GRM8: variants seen among roughly 807,000 people sequenced by gnomAD.
GRM8 encodes the protein metabotropic glutamate receptor 8.
Under a neutral mutation model 87.2 loss-of-function variants are expected in GRM8, and 47 were observed. The ratio of observed to expected loss-of-function variants is 0.54; its 90% CI spans 0.43 to 0.69. GRM8 has a LOEUF of 0.69. Among genes scored for constraint, GRM8 ranks in the 30% least tolerant of loss-of-function variants. GRM8 has a pLI of 0.00. For missense variants in GRM8, 1,019 were observed against 1,139.2 expected, an observed-to-expected ratio of 0.89 and a Z score of 1.52; for synonymous variants, 396 against 404.5, an observed-to-expected ratio of 0.98 and a Z score of 0.25.
intron 7 of GRM8, among the ~76,000 whole-genome samples, chr7:126,716,992 T>C (rs924031816): frequency 6.6e-6 from 1 of 152,090 alleles, no homozygotes; most frequent in African/African-American, 2.4e-5. Context: ...AGGAACTACA[T>C]GAAAGATGAT....
intron 8 of GRM8, among the ~76,000 whole-genome samples, chr7:126,568,631 A>G (rs1263798369): frequency 6.6e-6 from 1 of 152,180 alleles, no homozygotes; most frequent in African/African-American, 2.4e-5. Context: ...GCAGATCATT[A>G]AACTGATAAA....
intron 3 of GRM8, among the ~76,000 whole-genome samples, chr7:127,027,780 G>C (rs1043909698): frequency 9.2e-5 from 14 of 152,182 alleles, no homozygotes; most frequent in Non-Finnish European, 1.8e-4. Context: ...TCTGCAAACA[G>C]AGACAAATTG....
chr7:126,462,165 T>C (rs1237062894), intron 9 of GRM8, among the ~76,000 whole-genome samples: 1 of 151,614 alleles, frequency 6.6e-6, no homozygotes, highest in Non-Finnish European at 1.5e-5. Flanking sequence ...TTTACCACAC[T>C]TTACTGTGAC....
At chr7:126,734,628 C>T (rs573798935) in intron 7 of GRM8, among the ~76,000 whole-genome samples, 3 of 151,926 alleles carry the variant, frequency 2.0e-5, no homozygotes, top group East Asian at 3.9e-4. Flanking sequence ...TATTTCATAA[C>T]TTACAACACA....
chr7:126,600,612 A>G (rs1797646986), intron 8 of GRM8, among the ~76,000 whole-genome samples: 1 of 152,182 alleles, frequency 6.6e-6, no homozygotes. Flanking sequence ...TATGTAGAAA[A>G]GATCAGCATA....
At chr7:126,589,510 G>A (rs1796476614) in intron 8 of GRM8, among the ~76,000 whole-genome samples, 1 of 152,082 alleles carries the variant, frequency 6.6e-6, no homozygotes, top group Non-Finnish European at 1.5e-5. Flanking sequence ...GTCTAACCCT[G>A]CCCCAACTTG....
At chr7:127,191,695 C>T (rs560891108) in intron 2 of GRM8, among the ~76,000 whole-genome samples, 1 of 152,254 alleles carries the variant, frequency 6.6e-6, no homozygotes, top group Non-Finnish European at 1.5e-5. Context: ...GTACTACCAG[C>T]CTATTTTGCC....
At chr7:126,891,522 CTATCCT>C (rs1213398562) in intron 6 of GRM8, among the ~76,000 whole-genome samples, 1 of 152,042 alleles carries the variant, frequency 6.6e-6, no homozygotes, top group African/African-American at 2.4e-5. Context: ...GCCTAGGTCT[CTATCCT>C]TACTCTCTTC....
chr7:127,190,543 TAAA>T (rs35809104), intron 2 of GRM8, among the ~76,000 whole-genome samples: 1 of 138,694 alleles, frequency 7.2e-6, no homozygotes, highest in Non-Finnish European at 1.6e-5. Flanking sequence ...GACTCGGTCT[TAAA>T]AAAAAAAAAA....
intron 7 of GRM8, among the ~76,000 whole-genome samples, chr7:126,669,792 G>C (rs889972941): frequency 2.6e-5 from 4 of 152,204 alleles, no homozygotes; most frequent in African/African-American, 9.6e-5. Context: ...TATAAGAACA[G>C]TAAAATGTGC....
intron 9 of GRM8, among the ~76,000 whole-genome samples, chr7:126,450,449 G>T (rs1380255717): frequency 1.3e-5 from 2 of 151,754 alleles, no homozygotes; most frequent in Non-Finnish European, 2.9e-5. Flanking sequence ...TGGCTGCTTT[G>T]CATACCGTTT....
chr7:126,513,093 A>G (rs1811642289), intron 9 of GRM8, among the ~76,000 whole-genome samples: 2 of 152,142 alleles, frequency 1.3e-5, no homozygotes, highest in African/African-American at 2.4e-5. Context: ...GTTTCAGACA[A>G]TGGAATTATT....
Position 126,609,446 on chromosome 7 carries a change from A to G in GRM8, c.1410T>C (p.Arg470=). The G allele has an allele frequency of 6.2e-7, 1 of 1,610,706 alleles. No individual in the cohort carries two copies. The highest frequency in any genetic ancestry group is 1.1e-5 in the South Asian group (1 of 91,030). The change falls in exon 8 of 11, where the codon CGT becomes CGC. Residue 470 remains arginine, a synonymous_variant. Transcript: ENST00000339582. ...TFNENGDAPG[R]YDIFQYQITN... is the part of the protein sequence containing the mutation. ...TTATTTGATACTGGAAGATATCATA[A>G]CGTCCAGGAGCATCTCCGTTTTCAT...
At chr7:126,673,103 G>T (rs1806562493) in intron 7 of GRM8, among the ~76,000 whole-genome samples, 1 of 152,142 alleles carries the variant, frequency 6.6e-6, no homozygotes, top group African/African-American at 2.4e-5. Flanking sequence ...TGCAAGCAGG[G>T]AGGAGCTGCG....
At chr7:126,664,410 A>G (rs892875658) in intron 7 of GRM8, among the ~76,000 whole-genome samples, 9 of 152,232 alleles carry the variant, frequency 5.9e-5, no homozygotes, top group Non-Finnish European at 4.4e-5. Context: ...AAGAAACAAA[A>G]ACAACATGGT....
intron 3 of GRM8, among the ~76,000 whole-genome samples, chr7:127,020,978 T>C (rs1816206988): frequency 6.6e-6 from 1 of 152,112 alleles, no homozygotes; most frequent in East Asian, 1.9e-4. Context: ...AGTACATTAT[T>C]GAAGAAGAGA....
At chr7:126,537,733 C>T (rs892869711) in intron 8 of GRM8, among the ~76,000 whole-genome samples, 9 of 151,884 alleles carry the variant, frequency 5.9e-5, no homozygotes, top group South Asian at 2.1e-4. Context: ...GCCGAGATCA[C>T]GCCACCGCAC....
chr7:126,860,008 T>G (rs977669214), intron 6 of GRM8, among the ~76,000 whole-genome samples: 1 of 152,146 alleles, frequency 6.6e-6, no homozygotes, highest in Admixed American at 6.6e-5. Flanking sequence ...TCATATTTAT[T>G]TATTTATTAC....
At chr7:126,543,207 A>G (rs555917880) in intron 8 of GRM8, among the ~76,000 whole-genome samples, 1 of 152,208 alleles carries the variant, frequency 6.6e-6, no homozygotes, top group South Asian at 2.1e-4. Context: ...GTTTGATTTT[A>G]TTTTTATTTT....
Sources: gnomAD v4.1 joint callset for allele counts (sites outside exome capture counted in the v4.1 genomes callset) on GRCh38, gnomAD v4.1.1 for gene constraint, MANE v1.5 for transcripts, NCBI Gene and HGNC (gene_info 2026-07-23, HGNC 2026-07-21) for gene names.